The following ABCD3 variants were observed in gnomAD, a reference collection of about 807,000 sequenced individuals.
The protein encoded by ABCD3 is ATP binding cassette subfamily D member 3.
ABCD3 carries 41 observed loss-of-function variants against 105.5 expected under a neutral mutation model. That is an observed-to-expected ratio of 0.39 (90% CI 0.30 to 0.50). The LOEUF is 0.50. ABCD3 is among the 20% of genes least tolerant of loss of function. ABCD3 has a pLI of 0.84. For synonymous variants in ABCD3, 258 were observed against 269.0 expected, an observed-to-expected ratio of 0.96 and a Z score of 0.40; for missense variants, 622 against 806.3, an observed-to-expected ratio of 0.77 and a Z score of 2.77.
intron 3 of ABCD3, among the ~76,000 whole-genome samples, chr1:94,466,637 C>T (rs989432799): frequency 2.0e-5 from 3 of 152,160 alleles, no homozygotes; most frequent in Non-Finnish European, 4.4e-5. Context: ...TAATGCTTAT[C>T]TTTTTTGTGA....
rs1308422724 is a variant in ABCD3 at position 94,475,595 on chromosome 1, TTTC to T, written c.504-13_504-11del. The stretch of plus-strand genomic sequence containing the variant: ...TAAAGTCACTTGTTTTAAAATCACT[TTTC>T]TTCTTGCTATTTTAGAGCTTTCACA... On this transcript the variant is annotated splice_polypyrimidine_tract_variant and intron_variant, in intron 6 of 22. Transcript: ENST00000370214. The T allele has an allele frequency of 6.2e-7, 1 of 1,606,708 alleles. No individual in the cohort carries two copies. The highest frequency in any genetic ancestry group is 8.5e-7 in the Non-Finnish European group (1 of 1,174,022).
chr1:94,491,167 A>T lies in ABCD3; in HGVS notation c.1323-17A>T, dbSNP rs200472911. The T allele has an allele frequency of 1.1e-3, 1,788 of 1,589,840 alleles. 2 individuals are homozygous for T. The highest frequency in any genetic ancestry group is 1.4e-3 in the Non-Finnish European group (1,652 of 1,159,230). On this transcript the variant is annotated splice_polypyrimidine_tract_variant and intron_variant, in intron 15 of 22. Transcript: ENST00000370214. ...TATACTTTAAAGTAATTCTCTTTTT[A>T]AAAATTTCCTCTATAGGTTTGATCA...
chr1:94,447,480 A>G (rs1020472011), intron 1 of ABCD3, among the ~76,000 whole-genome samples: 1 of 152,228 alleles, frequency 6.6e-6, no homozygotes, highest in Non-Finnish European at 1.5e-5. Flanking sequence ...GTTTGCATTT[A>G]CAATTCCTGC....
chr1:94,393,060 C>T, the ABCD3 span, among the ~76,000 whole-genome samples: 74 of 147,812 alleles, frequency 5.0e-4, no homozygotes, highest in African/African-American at 1.9e-3. Context: ...TGCAGTGAGC[C>T]GAGATCACAC....
chr1:94,466,822 G>GATGAGTCCC (rs1278210468), intron 3 of ABCD3, among the ~76,000 whole-genome samples: 1 of 152,140 alleles, frequency 6.6e-6, no homozygotes, highest in African/African-American at 2.4e-5. Flanking sequence ...TGAAACATTG[G>GATGAGTCCC]ATGAGTCCCT....
At chr1:94,462,579 A>G (rs536699792) in intron 2 of ABCD3, among the ~76,000 whole-genome samples, 2 of 152,364 alleles carry the variant, frequency 1.3e-5, no homozygotes, top group South Asian at 4.1e-4. Flanking sequence ...CAATAGGAAC[A>G]GAAGAAAATG....
intron 8 of ABCD3, 40 bp downstream of exon 8, chr1:94,478,355 A>T: frequency 6.8e-7 from 1 of 1,465,728 alleles, no homozygotes. Context: ...TTGATATAAT[A>T]TAATATTTGA....
the ABCD3 span, among the ~76,000 whole-genome samples, chr1:94,406,159 C>A: frequency 5.1e-3 from 761 of 150,590 alleles, 2 homozygotes; most frequent in Admixed American, 8.6e-3. Context: ...GATCTCAACA[C>A]CATTTATTAA....
Position 94,467,923 on chromosome 1 carries a change from G to T in ABCD3, c.251G>T (p.Gly84Val). 4 of 1,610,610 alleles carry T rather than the reference G, an allele frequency of 2.5e-6. No homozygotes were observed. The highest frequency in any genetic ancestry group is 3.4e-6 in the Non-Finnish European group (4 of 1,177,210). ...ACTATACCTGGTTTATTTTAGACAGGTTACTTGGTACTTATTGCTGTTATG... is the reference window on the plus strand; with the variant it reads ...ACTATACCTGGTTTATTTTAGACAGTTTACTTGGTACTTATTGCTGTTATG... ...MVPRTFCKET[G>V]YLVLIAVMLV... Residue 84 changes from glycine to valine, a missense_variant, in exon 4 of 23, where the codon GGT (glycine) becomes GTT (valine). By Grantham distance (109) the Gly-to-Val change is moderately radical. Coordinates refer to ENST00000370214, the MANE Select transcript of ABCD3 (RefSeq NM_002858.4).
chr1:94,443,678 G>A (rs1259471637), intron 1 of ABCD3, among the ~76,000 whole-genome samples: 1 of 152,068 alleles, frequency 6.6e-6, no homozygotes, highest in Non-Finnish European at 1.5e-5. Context: ...GAGAGGTAGG[G>A]GTCCAGTTTC....
chr1:94,508,626 A>G (rs1650489857), intron 21 of ABCD3, among the ~76,000 whole-genome samples: 1 of 149,874 alleles, frequency 6.7e-6, no homozygotes, highest in African/African-American at 2.5e-5. Flanking sequence ...ACCCATGAGC[A>G]TGGAATGTTC....
chr1:94,452,259 C>T (rs576788396), intron 1 of ABCD3, among the ~76,000 whole-genome samples: 10 of 152,186 alleles, frequency 6.6e-5, no homozygotes, highest in Admixed American at 5.2e-4. Context: ...ATTTTAAAGA[C>T]GAGTAGTAAT....
At chr1:94,472,318 G>A in intron 4 of ABCD3, 1 of 577,866 alleles carries the variant, frequency 1.7e-6, no homozygotes, top group Non-Finnish European at 2.2e-6. Flanking sequence ...TTGGTTTTAA[G>A]TAAGGTTTGG....
At chr1:94,392,149 C>T in the ABCD3 span, among the ~76,000 whole-genome samples, 2 of 152,192 alleles carry the variant, frequency 1.3e-5, no homozygotes, top group African/African-American at 4.8e-5. Flanking sequence ...ATTTCTGTTT[C>T]TCCTCTGAAG....
chr1:94,465,084 G>A (rs1648074622), intron 3 of ABCD3, among the ~76,000 whole-genome samples: 1 of 152,066 alleles, frequency 6.6e-6, no homozygotes, highest in South Asian at 2.1e-4. Context: ...TGTCTCACAT[G>A]GTGAGAGAGG....
chr1:94,470,452 AT>A (rs566707834), intron 4 of ABCD3, among the ~76,000 whole-genome samples: 2 of 152,220 alleles, frequency 1.3e-5, no homozygotes, highest in Non-Finnish European at 2.9e-5. Flanking sequence ...TGCCATTCCG[AT>A]TGCTCAGCTA....
At chr1:94,434,101 T>C (rs569111722) in intron 1 of ABCD3, among the ~76,000 whole-genome samples, 1 of 152,288 alleles carries the variant, frequency 6.6e-6, no homozygotes, top group South Asian at 2.1e-4. Context: ...TGAGTGAATG[T>C]GAAGGCCTAG....
At position 94,498,767 on chromosome 1, in the gene ABCD3, T is replaced by C. The variant is rs1394872945; in HGVS notation, c.1465-16T>C. On this transcript the variant is annotated splice_polypyrimidine_tract_variant and intron_variant, in intron 17 of 22. Coordinates refer to ENST00000370214, the MANE Select transcript of ABCD3 (RefSeq NM_002858.4). ...AAATTTTACAATTGTTCTTCTCCCT[T>C]CTCTCTCTTTAATAGTTATGGCCTC... is the stretch of plus-strand genomic sequence containing the variant. 6.2e-7 allele frequency: 1 copy of C among 1,613,560 alleles called. No homozygotes were observed. The highest frequency in any genetic ancestry group is 1.3e-5 in the African/African-American group (1 of 74,918).
At chr1:94,461,470 T>G (rs1157457328) in intron 2 of ABCD3, among the ~76,000 whole-genome samples, 2 of 152,096 alleles carry the variant, frequency 1.3e-5, no homozygotes, top group Non-Finnish European at 2.9e-5. Context: ...TGTGTGTGTA[T>G]GTGTGTGTAT....
Sources: gnomAD v4.1 joint callset for allele counts (sites outside exome capture counted in the v4.1 genomes callset) on GRCh38, gnomAD v4.1.1 for gene constraint, MANE v1.5 for transcripts, NCBI Gene and HGNC (gene_info 2026-07-23, HGNC 2026-07-21) for gene names.